The following MRAP variants were observed in gnomAD, a reference collection of about 807,000 sequenced individuals.
MRAP encodes the protein melanocortin 2 receptor accessory protein, also known as melanocortin-2 receptor accessory protein.
A neutral mutation model predicts 8.7 loss-of-function variants in MRAP; 8 were observed. That is an observed-to-expected ratio of 0.92 (90% CI 0.54 to 1.66). MRAP has a LOEUF of 1.66. Among genes scored for constraint, MRAP ranks in the 40% most tolerant of loss-of-function variants. MRAP has a pLI of 0.00. For synonymous variants in MRAP, 95 were observed against 95.5 expected, an observed-to-expected ratio of 1.00 and a Z score of 0.03; for missense variants, 237 against 217.1, an observed-to-expected ratio of 1.09 and a Z score of -0.58.
At chr21:32,303,330 T>A (rs1314829899) in intron 1 of MRAP, among the ~76,000 whole-genome samples, 1 of 152,070 alleles carries the variant, frequency 6.6e-6, no homozygotes, top group Non-Finnish European at 1.5e-5. Context: ...GTTAGTAGAA[T>A]GAAGAATGGA....
chr21:32,301,134 TTG>T (rs1240190622), intron 1 of MRAP, among the ~76,000 whole-genome samples: 1 of 150,104 alleles, frequency 6.7e-6, no homozygotes, highest in African/African-American at 2.5e-5. Flanking sequence ...GCTAATTTCT[TTG>T]TATTTTTAGT....
intron 2 of MRAP, chr21:32,311,456 A>C: frequency 2.8e-5 from 4 of 141,790 alleles, no homozygotes; most frequent in Non-Finnish European, 5.1e-5. Context: ...AGTGGCCTCC[A>C]GGGAAAGACC....
chr21:32,312,246 C>G lies in MRAP; in HGVS notation c.*250C>G. On this transcript the variant is annotated 3_prime_UTR_variant, in exon 3 of 3. Transcript: ENST00000303645. ...TGCTTGCTTACTGCTTATATTTGCT[C>G]AGGGAAGAGTAGGAAAATAAAATAT... The G allele has an allele frequency of 1.4e-6, 2 of 1,423,884 alleles. No individual in the cohort carries two copies. The highest frequency in any genetic ancestry group is 1.4e-5 in the African/African-American group (1 of 69,654). 88.2% of individuals were successfully genotyped at this position (1,423,884 alleles called of 1,614,324 possible).
At chr21:32,304,975 T>TTTG (rs1568797967) in intron 1 of MRAP, among the ~76,000 whole-genome samples, 7 of 74,148 alleles carry the variant, frequency 9.4e-5, no homozygotes, top group Non-Finnish European at 2.2e-4. Flanking sequence ...GTTTTTTTTT[T>TTTG]TTTTTTTTTT....
chr21:32,303,659 A>G lies in MRAP; in HGVS notation c.107-2981A>G, dbSNP rs375382709. Among the ~76,000 whole-genome samples, 45 of 152,318 alleles carry G rather than the reference A, an allele frequency of 3.0e-4. No homozygotes were observed. The East Asian group carries it at 7.0e-3, about 24-fold the overall frequency. On this transcript the variant is annotated intron_variant, in intron 1 of 2. Transcript: ENST00000303645. Reference sequence around the variant, plus strand: ...AAAGGAGATAAGTTTCTATGGCTGGACCACTTTCATTGTCAACCCAGCCTG... The same window carrying G: ...AAAGGAGATAAGTTTCTATGGCTGGGCCACTTTCATTGTCAACCCAGCCTG...
chr21:32,298,975 G>A lies in MRAP; in HGVS notation c.4G>A (p.Ala2Thr), dbSNP rs779624697. ...CTGACTGCCCAGTGCCACAGACATG[G>A]CCAACGGGACCAACGCCTCTGCCCC... MANGTNASAPYY... is the reference protein window; with the variant it reads MTNGTNASAPYY... Residue 2 changes from alanine (A) to threonine (T), a missense_variant, in exon 1 of 3, where the codon GCC (alanine) becomes ACC (threonine). By Grantham distance (58) the Ala-to-Thr change is moderately conservative. Transcript: ENST00000303645. The A allele has an allele frequency of 1.2e-6, 2 of 1,613,622 alleles. No individual in the cohort carries two copies. Among genetic ancestry groups the A allele is most frequent in the South Asian group, 1.1e-5 (1 of 91,064 alleles).
rs1261376901 is a variant in MRAP, at chr21:32,312,009, G to A, written c.*13G>A. On this transcript the variant is annotated 3_prime_UTR_variant, in exon 3 of 3. Transcript: ENST00000303645. ...ATTGCAGAGCTGATGTCAGTAAATCGTGGCCATAGCTGAGTGAACTGGTGA... is the reference window on the plus strand; with the variant it reads ...ATTGCAGAGCTGATGTCAGTAAATCATGGCCATAGCTGAGTGAACTGGTGA... The A allele has an allele frequency of 3.7e-6, 6 of 1,612,766 alleles. No homozygotes were observed. Among genetic ancestry groups the A allele is most frequent in the African/African-American group, 1.3e-5 (1 of 74,932 alleles).
At chr21:32,296,232 A>G (rs1195486755), upstream of MRAP, among the ~76,000 whole-genome samples, 2 of 152,070 alleles carry the variant, frequency 1.3e-5, no homozygotes, top group Non-Finnish European at 2.9e-5. Flanking sequence ...TTTTTAACCT[A>G]ATTATCTCCT....
upstream of MRAP, among the ~76,000 whole-genome samples, chr21:32,296,461 G>A (rs2032140854): frequency 6.6e-6 from 1 of 152,142 alleles, no homozygotes; most frequent in South Asian, 2.1e-4. Context: ...TTTGATATAA[G>A]AAACATGTAG....
At chr21:32,308,251 G>A (rs898533364) in intron 2 of MRAP, among the ~76,000 whole-genome samples, 5 of 151,994 alleles carry the variant, frequency 3.3e-5, no homozygotes, top group African/African-American at 1.2e-4. Flanking sequence ...GGTGGTGTAT[G>A]CCTGTAATCC....
intron 1 of MRAP, 91 bp from the exon 2 acceptor site, chr21:32,306,549 A>G: frequency 1.9e-6 from 2 of 1,050,438 alleles, no homozygotes; most frequent in South Asian, 1.3e-5. Flanking sequence ...CAGGGCCCTC[A>G]TTCCACAATA....
intron 1 of MRAP, chr21:32,292,939 A>T (rs555130062): frequency 9.2e-5 from 14 of 152,270 alleles, no homozygotes; most frequent in Admixed American, 7.2e-4. Context: ...GGCCCCCAAA[A>T]ATATCTACAT....
At chr21:32,308,640 ATT>A (rs1377597738) in intron 2 of MRAP, 7 of 152,528 alleles carry the variant, frequency 4.6e-5, no homozygotes, top group Non-Finnish European at 8.8e-5. Context: ...GGGACCCTAT[ATT>A]TTGCCATCGC....
chr21:32,305,604 C>T lies in MRAP; in HGVS notation c.107-1036C>T, dbSNP rs1329361677. Among the ~76,000 whole-genome samples the T allele has an allele frequency of 2.6e-5, 4 of 152,046 alleles. No homozygotes were observed. The East Asian group carries it at 7.7e-4, about 29-fold the overall frequency. Reference sequence around the variant, plus strand: ...CAATTTCTAATGTGCTGGTTTAGCCCCCTCTGAATCCTGAACAGTCCCTCG... The same window carrying T: ...CAATTTCTAATGTGCTGGTTTAGCCTCCTCTGAATCCTGAACAGTCCCTCG... On this transcript the variant is annotated intron_variant, in intron 1 of 2. Transcript: ENST00000303645.
chr21:32,307,256 G>A (rs540129930), intron 2 of MRAP, among the ~76,000 whole-genome samples: 1 of 152,214 alleles, frequency 6.6e-6, no homozygotes, highest in Admixed American at 6.5e-5. Flanking sequence ...ACTACTGATG[G>A]GTTTCTTTTG....
intron 2 of MRAP, among the ~76,000 whole-genome samples, chr21:32,309,751 T>C (rs2123522059): frequency 6.8e-6 from 1 of 147,998 alleles, no homozygotes; most frequent in African/African-American, 2.5e-5. Flanking sequence ...GAGACTGGCC[T>C]GGCCAGCTTG....
chr21:32,306,615 T>G (rs2032423579), intron 1 of MRAP, 25 bp from the exon 2 acceptor site: 1 of 1,604,796 alleles, frequency 6.2e-7, no homozygotes. Context: ...AACCCAGCGC[T>G]GAGATGCATC....
intron 2 of MRAP, 67 bp downstream of exon 2, chr21:32,306,806 G>A: frequency 8.0e-7 from 1 of 1,248,970 alleles, no homozygotes; most frequent in African/African-American, 1.5e-5. Context: ...AGTGCAGGTT[G>A]AGTATCCCTC....
intron 1 of MRAP, among the ~76,000 whole-genome samples, chr21:32,302,881 G>A (rs2032323063): frequency 6.6e-6 from 1 of 152,152 alleles, no homozygotes; most frequent in South Asian, 2.1e-4. Flanking sequence ...CTTTAACTCA[G>A]GCAGCCAAGT....
Sources: gnomAD v4.1 joint callset for allele counts (sites outside exome capture counted in the v4.1 genomes callset) on GRCh38, gnomAD v4.1.1 for gene constraint, MANE v1.5 for transcripts, NCBI Gene and HGNC (gene_info 2026-07-23, HGNC 2026-07-21) for gene names.